The following PRPF39 variants were observed in gnomAD, a reference collection of about 807,000 sequenced individuals.
PRPF39 encodes the protein pre-mRNA-processing factor 39.
A neutral mutation model predicts 82.1 loss-of-function variants in PRPF39; 27 were observed. The ratio of observed to expected loss-of-function variants is 0.33; its 90% CI spans 0.24 to 0.45. PRPF39 has a LOEUF of 0.45. PRPF39 is among the 20% of genes least tolerant of loss of function. The pLI, the probability that PRPF39 is intolerant of heterozygous loss-of-function variation, is 1.00. For synonymous variants in PRPF39, 261 were observed against 256.4 expected, an observed-to-expected ratio of 1.02 and a Z score of -0.17; for missense variants, 581 against 796.9, an observed-to-expected ratio of 0.73 and a Z score of 3.26.
intron 1 of PRPF39, among the ~76,000 whole-genome samples, chr14:45,091,566 T>C (rs1430112689): frequency 1.3e-5 from 2 of 152,198 alleles, no homozygotes; most frequent in African/African-American, 2.4e-5. Context: ...CTTATAATAA[T>C]ATTTTACAAT....
At chr14:45,111,853 G>A (rs1030967147) in intron 10 of PRPF39, among the ~76,000 whole-genome samples, 1 of 151,260 alleles carries the variant, frequency 6.6e-6, no homozygotes, top group Non-Finnish European at 1.5e-5. Flanking sequence ...GGCCAGGCTG[G>A]TCTCAAACTC....
intron 8 of PRPF39, 146 bp from the exon 9 acceptor site, chr14:45,109,948 T>C: frequency 6.5e-7 from 1 of 1,539,674 alleles, no homozygotes; most frequent in Non-Finnish European, 8.7e-7. Flanking sequence ...CCTCGTTGCC[T>C]CTCTTCGTCC....
Position 45,114,491 on chromosome 14 carries a change from T to C in PRPF39, c.1833-3T>C. The C allele has an allele frequency of 1.3e-6, 2 of 1,568,466 alleles. No individual in the cohort carries two copies. Among genetic ancestry groups the C allele is most frequent in the South Asian group, 1.2e-5 (1 of 82,474 alleles). ...AAAGTTTCCATTCTGACGTTTTATA[T>C]AGATCAGAAGAACCAGAGGAAAAGA... On this transcript the variant is annotated splice_polypyrimidine_tract_variant and splice_region_variant and intron_variant, in intron 12 of 13. Transcript: ENST00000355765.
At chr14:45,106,387 T>C (rs886292477) in intron 5 of PRPF39, among the ~76,000 whole-genome samples, 10 of 152,078 alleles carry the variant, frequency 6.6e-5, no homozygotes, top group Non-Finnish European at 1.0e-4. Flanking sequence ...AGGGTATTCA[T>C]TTTCAGATGA....
chr14:45,097,132 G>T, intron 4 of PRPF39, 127 bp downstream of exon 4: 2 of 1,335,146 alleles, frequency 1.5e-6, no homozygotes, highest in South Asian at 3.4e-5. Context: ...AATGATACAT[G>T]TAATAAACTT....
Position 45,091,787 on chromosome 14 carries a change from A to T in PRPF39, c.-19-3434A>T, listed in dbSNP as rs113838613. ...AAAATTAGATGAGCAAATGATAGCT[A>T]TTGTTGCCGGGGATATAAAGCAATG... On this transcript the variant is annotated intron_variant, in intron 1 of 13. Coordinates refer to ENST00000355765, the MANE Select transcript of PRPF39 (RefSeq NM_017922.4). Among the ~76,000 whole-genome samples the T allele has an allele frequency of 6.4e-3, 971 of 152,314 alleles. 13 individuals are homozygous for T. Among genetic ancestry groups the T allele is most frequent in the African/African-American group, 0.022 (917 of 41,578 alleles).
intron 12 of PRPF39, 49 bp from the exon 13 acceptor site, chr14:45,114,445 T>C (rs1412967240): frequency 3.3e-6 from 5 of 1,512,810 alleles, no homozygotes; most frequent in Non-Finnish European, 4.4e-6. Flanking sequence ...TTCGTTAAAG[T>C]TCTTACCTGT....
At chr14:45,088,106 A>T (rs1316453054) in intron 1 of PRPF39, 1 of 153,268 alleles carries the variant, frequency 6.5e-6, no homozygotes, top group East Asian at 1.9e-4. Context: ...GGTAGAGAAG[A>T]TACACATTGA....
intron 6 of PRPF39, 116 bp from the exon 7 acceptor site, chr14:45,108,299 C>T (rs1884601422): frequency 8.3e-7 from 1 of 1,200,190 alleles, no homozygotes; most frequent in Non-Finnish European, 1.1e-6. Flanking sequence ...AGTTAAAAAT[C>T]TACCACTATT....
intron 4 of PRPF39, among the ~76,000 whole-genome samples, chr14:45,098,566 G>A (rs1293497086): frequency 1.3e-5 from 2 of 150,942 alleles, no homozygotes; most frequent in South Asian, 4.2e-4. Context: ...CATTTTTCCC[G>A]TTTGTCTAAT....
rs1428994871 is a variant in PRPF39, at chr14:45,115,455, A to G, written c.*542A>G. ...ATAAATGAGAAAATGGAATGTTTGC[A>G]TCCCTTTAAAAATGAAAATCATATC... is the stretch of plus-strand genomic sequence containing the variant. On this transcript the variant is annotated 3_prime_UTR_variant, in exon 14 of 14. Transcript: ENST00000355765. 6.6e-6 allele frequency: 1 copy of G among 152,602 alleles called. No homozygotes were observed. Among genetic ancestry groups the G allele is most frequent in the East Asian group, 1.9e-4 (1 of 5,200 alleles). The allele number at this position is 152,602 out of a possible 1,614,324, so 9.5% of individuals were successfully genotyped here.
chr14:45,105,958 G>C (rs1884518274), intron 5 of PRPF39, among the ~76,000 whole-genome samples: 1 of 152,154 alleles, frequency 6.6e-6, no homozygotes, highest in Non-Finnish European at 1.5e-5. Flanking sequence ...GTATTTAAAA[G>C]GTACAGTCAG....
At position 45,109,630 on chromosome 14, in the gene PRPF39, C is replaced by T; in HGVS notation, c.1026C>T (p.Tyr342=). The change falls in exon 8 of 14, where the codon TAC becomes TAT. Residue 342 remains tyrosine, a synonymous_variant. Transcript: ENST00000355765. Reference sequence around the variant, plus strand: ...TTTCATTTCAGATTAAAAGACCTTACTTTCATGTGAAACCTTTGGAAAAGG... The same window carrying T: ...TTTCATTTCAGATTAAAAGACCTTATTTTCATGTGAAACCTTTGGAAAAGG... ...WTFEEGIKRP[Y]FHVKPLEKAQ... The T allele has an allele frequency of 6.2e-7, 1 of 1,602,940 alleles. No individual in the cohort carries two copies. Among genetic ancestry groups the T allele is most frequent in the Non-Finnish European group, 8.5e-7 (1 of 1,174,764 alleles).
chr14:45,092,548 C>G (rs1884064161), intron 1 of PRPF39, among the ~76,000 whole-genome samples: 1 of 149,218 alleles, frequency 6.7e-6, no homozygotes, highest in Non-Finnish European at 1.5e-5. Flanking sequence ...CTGCAGTGAG[C>G]CGAGATTGCG....
chr14:45,112,371 C>A lies in PRPF39; in HGVS notation c.1626C>A (p.Leu542=). 6.3e-7 allele frequency: 1 copy of A among 1,582,556 alleles called. No homozygotes were observed. The highest frequency in any genetic ancestry group is 2.3e-5 in the East Asian group (1 of 43,390). The change falls in exon 11 of 14, where the codon CTC becomes CTA. Residue 542 remains leucine, a synonymous_variant. Coordinates refer to ENST00000355765, the MANE Select transcript of PRPF39 (RefSeq NM_017922.4). ...NLLEMEYSGD[L]KQNEENILNC... ...TTGAAATGGAATATAGTGGTGACCT[C>A]AAACAAAATGAAGAAAATATCCTAA...
chr14:45,109,633 T>C lies in PRPF39; in HGVS notation c.1029T>C (p.Phe343=). 6.2e-7 allele frequency: 1 copy of C among 1,603,532 alleles called. No individual in the cohort carries two copies. The highest frequency in any genetic ancestry group is 1.3e-5 in the African/African-American group (1 of 74,576). ...TFEEGIKRPY[F]HVKPLEKAQL... is the part of the protein sequence containing the mutation. ...CATTTCAGATTAAAAGACCTTACTT[T>C]CATGTGAAACCTTTGGAAAAGGCAC... Residue 343 remains phenylalanine, a synonymous_variant, in exon 8 of 14, where the codon TTT becomes TTC. Coordinates refer to ENST00000355765, the MANE Select transcript of PRPF39 (RefSeq NM_017922.4).
intron 5 of PRPF39, 98 bp from the exon 6 acceptor site, chr14:45,107,353 T>A (rs1356589459): frequency 6.1e-6 from 6 of 978,206 alleles, no homozygotes; most frequent in Non-Finnish European, 8.6e-6. Context: ...GTTTCTTTTT[T>A]AAATCAAATC....
chr14:45,105,497 TA>T (rs1157932946), intron 5 of PRPF39, among the ~76,000 whole-genome samples: 8 of 151,884 alleles, frequency 5.3e-5, no homozygotes, highest in Non-Finnish European at 4.4e-5. Context: ...TTGCAAAATT[TA>T]AATTAGATTC....
At chr14:45,103,159 AAGT>A (rs1346540127) in intron 5 of PRPF39, among the ~76,000 whole-genome samples, 2 of 152,164 alleles carry the variant, frequency 1.3e-5, no homozygotes, top group Admixed American at 6.5e-5. Flanking sequence ...TTTATATAGT[AAGT>A]AGTATCTATT....
Sources: gnomAD v4.1 joint callset for allele counts (sites outside exome capture counted in the v4.1 genomes callset) on GRCh38, gnomAD v4.1.1 for gene constraint, MANE v1.5 for transcripts, NCBI Gene and HGNC (gene_info 2026-07-23, HGNC 2026-07-21) for gene names.